SGSM1: variants seen among roughly 807,000 people sequenced by gnomAD.
The protein encoded by SGSM1 is small G protein signaling modulator 1.
SGSM1 carries 73 observed loss-of-function variants against 133.8 expected under a neutral mutation model. That is an observed-to-expected ratio of 0.55 (90% confidence interval 0.45 to 0.66). The LOEUF (loss-of-function observed/expected upper bound fraction) is 0.66. SGSM1 is among the 30% of genes least tolerant of loss of function. The pLI is 0.00. For missense variants in SGSM1, 1,213 were observed against 1,448.1 expected, an observed-to-expected ratio of 0.84 and a Z score of 2.64; for synonymous variants, 563 against 573.0, an observed-to-expected ratio of 0.98 and a Z score of 0.25.
At chr22:24,829,337 C>T (rs1313645334) in intron 2 of SGSM1, among the ~76,000 whole-genome samples, 3 of 151,870 alleles carry the variant, frequency 2.0e-5, no homozygotes, top group East Asian at 1.9e-4. Context: ...ATGATGAGAA[C>T]GTATGGACAC....
chr22:24,904,302 C>T (rs893603525), intron 20 of SGSM1, among the ~76,000 whole-genome samples: 12 of 152,056 alleles, frequency 7.9e-5, no homozygotes, highest in African/African-American at 1.4e-4. Flanking sequence ...GTTGAGAGGC[C>T]GGGCGCAGTG....
At position 24,924,411 on chromosome 22, in the gene SGSM1, A is replaced by C; in HGVS notation, c.*137A>C. The C allele has an allele frequency of 1.4e-6, 1 of 689,756 alleles. No homozygotes were observed. The highest frequency in any genetic ancestry group is 2.6e-6 in the Non-Finnish European group (1 of 391,652). 42.7% of individuals were successfully genotyped at this position (689,756 alleles called of 1,614,324 possible). On this transcript the variant is annotated 3_prime_UTR_variant, in exon 25 of 25. Transcript: ENST00000400358. ...CAAGCGTGGAGTTCAGTGCGCAAAG[A>C]AACTACCCTGACTTTTACTTCTGGG...
intron 2 of SGSM1, among the ~76,000 whole-genome samples, chr22:24,825,464 C>CT (rs1253235524): frequency 3.3e-5 from 5 of 152,176 alleles, no homozygotes; most frequent in Admixed American, 3.3e-4. Flanking sequence ...GAGTCTCACT[C>CT]TGTCACCCAG....
At chr22:24,850,187 T>C in intron 4 of SGSM1, 93 bp from the exon 5 acceptor site, 2 of 1,304,230 alleles carry the variant, frequency 1.5e-6, no homozygotes, top group Non-Finnish European at 2.1e-6. Flanking sequence ...TCCTTCATTT[T>C]CCTGAGAGAT....
chr22:24,859,479 G>C, intron 8 of SGSM1: 1 of 573,432 alleles, frequency 1.7e-6, no homozygotes, highest in Non-Finnish European at 3.3e-6. Flanking sequence ...AGTGATGGGG[G>C]TGGGAGGCTT....
intron 12 of SGSM1, among the ~76,000 whole-genome samples, chr22:24,871,895 T>C (rs945627786): frequency 2.0e-5 from 3 of 152,196 alleles, no homozygotes; most frequent in Admixed American, 6.5e-5. Context: ...GAGGTTTCCA[T>C]CTGTAAGAGA....
chr22:24,900,481 C>A (rs1204105203), intron 19 of SGSM1, among the ~76,000 whole-genome samples: 1 of 151,522 alleles, frequency 6.6e-6, no homozygotes, highest in Non-Finnish European at 1.5e-5. Flanking sequence ...CTCACCGCAA[C>A]CTCCGCCTCC....
At chr22:24,808,067 T>G (rs914252762) in intron 2 of SGSM1, among the ~76,000 whole-genome samples, 38 of 152,116 alleles carry the variant, frequency 2.5e-4, no homozygotes, top group African/African-American at 8.7e-4. Context: ...CCTGTGGGTA[T>G]TCCAAGGGAG....
intron 2 of SGSM1, among the ~76,000 whole-genome samples, chr22:24,819,702 C>T (rs1928352077): frequency 6.6e-6 from 1 of 152,112 alleles, no homozygotes; most frequent in South Asian, 2.1e-4. Context: ...AAGTGACTTG[C>T]CCAAGGTCAC....
chr22:24,815,585 A>G (rs867368770), intron 2 of SGSM1, among the ~76,000 whole-genome samples: 17 of 152,290 alleles, frequency 1.1e-4, no homozygotes, highest in African/African-American at 4.1e-4. Context: ...TACTAAAAAA[A>G]TACAAAAAAA....
Position 24,867,111 on chromosome 22 carries a change from C to T in SGSM1, c.945C>T (p.Ala315=). 1 of 1,613,806 alleles carries T rather than the reference C, an allele frequency of 6.2e-7. No individual in the cohort carries two copies. The highest frequency in any genetic ancestry group is 8.5e-7 in the Non-Finnish European group (1 of 1,179,850). The change falls in exon 10 of 25, where the codon GCC becomes GCT. Residue 315 remains alanine, a synonymous_variant. Coordinates refer to ENST00000400358, the MANE Select transcript of SGSM1 (RefSeq NM_001098497.3). ...CTTCCAGCGTCTACTGGGACTATGC[C>T]ATGACCATCCGCTTGGAGGAGATTG... ...DYEKSVYWDY[A]MTIRLEEIVY...
chr22:24,891,700 TC>T (rs937326939), intron 16 of SGSM1, among the ~76,000 whole-genome samples: 3 of 151,996 alleles, frequency 2.0e-5, no homozygotes, highest in African/African-American at 4.8e-5. Flanking sequence ...GTTGTGGTGG[TC>T]ACTGGTGGGA....
intron 21 of SGSM1, among the ~76,000 whole-genome samples, chr22:24,911,442 C>T (rs78172272): frequency 0.061 from 9,332 of 151,930 alleles, 747 homozygotes; most frequent in African/African-American, 0.19. Context: ...CAGGCATGAA[C>T]TACCATGCCT....
At chr22:24,831,437 C>T (rs751294282) in intron 2 of SGSM1, among the ~76,000 whole-genome samples, 3 of 152,128 alleles carry the variant, frequency 2.0e-5, no homozygotes, top group Non-Finnish European at 4.4e-5. Flanking sequence ...AGGAGCAAGA[C>T]CTTGGAGGAG....
intron 16 of SGSM1, among the ~76,000 whole-genome samples, chr22:24,889,598 C>A (rs1313894601): frequency 6.6e-6 from 1 of 151,294 alleles, no homozygotes; most frequent in African/African-American, 2.4e-5. Context: ...TTAGTAGAGA[C>A]GAGGTTTCAC....
chr22:24,863,811 G>A (rs1931296235), intron 9 of SGSM1, among the ~76,000 whole-genome samples: 1 of 150,088 alleles, frequency 6.7e-6, no homozygotes, highest in Non-Finnish European at 1.5e-5. Flanking sequence ...GCATGATCTC[G>A]GCTCACTGCA....
In SGSM1 at chr22:24,900,559, G is replaced by A. The variant is rs369090492; in HGVS notation, c.2611-1274G>A. On this transcript the variant is annotated intron_variant, in intron 19 of 24. Transcript: ENST00000400358. The stretch of plus-strand genomic sequence containing the variant: ...GGATTACAAGCACGCACCCACGCCC[G>A]GCTGATTTTGTATTTTTAGTAGAGA... Among the ~76,000 whole-genome samples, 7 of 151,848 alleles carry A rather than the reference G, an allele frequency of 4.6e-5. No individual in the cohort carries two copies. The East Asian group carries it at 1.4e-3, about 29-fold the overall frequency.
At chr22:24,849,840 T>G (rs187976634) in intron 4 of SGSM1, among the ~76,000 whole-genome samples, 14 of 152,192 alleles carry the variant, frequency 9.2e-5, no homozygotes, top group African/African-American at 2.9e-4. Flanking sequence ...TCTGCACGTA[T>G]CTCTGTCTGG....
chr22:24,903,184 A>G (rs530048725), intron 20 of SGSM1, among the ~76,000 whole-genome samples: 1 of 152,074 alleles, frequency 6.6e-6, no homozygotes, highest in Non-Finnish European at 1.5e-5. Context: ...TTGATTGTAT[A>G]TTGTATAACA....
Sources: gnomAD v4.1 joint callset for allele counts (sites outside exome capture counted in the v4.1 genomes callset) on GRCh38, gnomAD v4.1.1 for gene constraint, MANE v1.5 for transcripts, NCBI Gene and HGNC (gene_info 2026-07-23, HGNC 2026-07-21) for gene names.